CPQ: variants seen among roughly 807,000 people sequenced by gnomAD.
CPQ encodes the protein Ser-Met dipeptidase.
Under a neutral mutation model 45.7 loss-of-function variants are expected in CPQ, and 37 were observed. The observed-to-expected ratio is 0.81, with a 90% CI of 0.62 to 1.07. The LOEUF (loss-of-function observed/expected upper bound fraction) is 1.07, where lower values mean the gene tolerates loss of function less well. Among genes scored for constraint, CPQ ranks in the 50% least tolerant of loss-of-function variants. The pLI is 0.00. For missense variants in CPQ, 537 were observed against 572.9 expected (o/e 0.94, Z 0.64); for synonymous variants, 186 against 205.8 (o/e 0.90, Z 0.82).
At chr8:97,084,225 G>A (rs894897244) in intron 7 of CPQ, among the ~76,000 whole-genome samples, 6 of 152,130 alleles carry the variant, frequency 3.9e-5, no homozygotes, top group Admixed American at 6.6e-5. Context: ...GAATATCTTG[G>A]AAGTGAAGGA....
intron 4 of CPQ, among the ~76,000 whole-genome samples, chr8:96,951,536 A>G (rs1466756088): frequency 6.6e-6 from 1 of 152,062 alleles, no homozygotes; most frequent in Non-Finnish European, 1.5e-5. Context: ...AGTTTTTTAG[A>G]GAGGTTTTGT....
At position 97,143,276 on chromosome 8, in the gene CPQ, A is replaced by G; in HGVS notation, c.*93A>G. The stretch of plus-strand genomic sequence containing the variant: ...CCTCTTCACATAACAATTTCATCCA[A>G]TTCATCTTCAAAGCACAACTCTATT... On this transcript the variant is annotated 3_prime_UTR_variant, in exon 8 of 8. Transcript: ENST00000220763. 1 of 1,169,204 alleles carries G rather than the reference A, an allele frequency of 8.6e-7. No individual in the cohort carries two copies. The highest frequency in any genetic ancestry group is 1.5e-5 in the African/African-American group (1 of 65,162). 72.4% of individuals were successfully genotyped at this position (1,169,204 alleles called of 1,614,324 possible).
intron 5 of CPQ, among the ~76,000 whole-genome samples, chr8:96,994,604 T>C (rs903073705): frequency 9.2e-5 from 14 of 152,074 alleles, no homozygotes; most frequent in African/African-American, 3.1e-4. Flanking sequence ...TTCCAATCCC[T>C]ATAATACTAA....
At chr8:96,841,487 A>G (rs1160923484) in intron 3 of CPQ, among the ~76,000 whole-genome samples, 3 of 152,140 alleles carry the variant, frequency 2.0e-5, no homozygotes, top group Non-Finnish European at 2.9e-5. Flanking sequence ...CCACACATAC[A>G]TTTTTTCCTA....
chr8:97,123,203 A>G lies in CPQ; in HGVS notation c.1256-19817A>G, dbSNP rs1238859161. ...ATAAAATAAAATAAAATAAAATAAA[A>G]TAAAAAATAAAATAAAATAAAATAA... On this transcript the variant is annotated intron_variant, in intron 7 of 7. Transcript: ENST00000220763. 3.4e-4 allele frequency among the ~76,000 whole-genome samples: 44 copies of G among 128,020 alleles called. 1 individual carries two copies. Among genetic ancestry groups the G allele is most frequent in the African/African-American group, 1.2e-3 (41 of 34,604 alleles). 84.0% of individuals were successfully genotyped at this position (128,020 alleles called of 152,430 possible). A position where few individuals can be genotyped will look rare whatever the true frequency, so the allele number is the denominator to read the frequency against.
At chr8:96,685,835 T>G (rs1809220187) in intron 1 of CPQ, among the ~76,000 whole-genome samples, 1 of 152,144 alleles carries the variant, frequency 6.6e-6, no homozygotes. Context: ...ATCTTTAACA[T>G]TTAGAGTTTT....
At chr8:96,868,783 A>G (rs187122326) in intron 3 of CPQ, among the ~76,000 whole-genome samples, 4 of 152,060 alleles carry the variant, frequency 2.6e-5, no homozygotes, top group East Asian at 1.9e-4. Flanking sequence ...CATTTTCTAT[A>G]TATATAAAAA....
intron 7 of CPQ, among the ~76,000 whole-genome samples, chr8:97,124,111 A>C (rs535857708): frequency 3.3e-5 from 5 of 151,114 alleles, no homozygotes. Flanking sequence ...CTGTAATCCC[A>C]GCTGCTCTGG....
intron 7 of CPQ, among the ~76,000 whole-genome samples, chr8:97,066,460 G>C (rs1810638306): frequency 1.3e-5 from 2 of 152,084 alleles, no homozygotes; most frequent in African/African-American, 4.8e-5. Flanking sequence ...TTCTGATTTA[G>C]TCATTCTGGA....
intron 1 of CPQ, among the ~76,000 whole-genome samples, chr8:96,736,587 A>G (rs1460082319): frequency 6.6e-6 from 1 of 152,128 alleles, no homozygotes; most frequent in East Asian, 1.9e-4. Flanking sequence ...TGCCTAACCT[A>G]TGTAAATGGG....
chr8:96,707,167 A>C (rs990309718), intron 1 of CPQ, among the ~76,000 whole-genome samples: 1 of 152,170 alleles, frequency 6.6e-6, no homozygotes, highest in South Asian at 2.1e-4. Flanking sequence ...GTGCAGAGAC[A>C]ATGAAGAAAC....
intron 6 of CPQ, among the ~76,000 whole-genome samples, chr8:97,043,880 TG>T (rs1396784124): frequency 6.6e-6 from 1 of 152,250 alleles, no homozygotes; most frequent in African/African-American, 2.4e-5. Flanking sequence ...CTTCCCTTTG[TG>T]GGTAACCCGA....
chr8:97,043,996 C>G (rs949594522), intron 6 of CPQ, among the ~76,000 whole-genome samples: 1 of 152,030 alleles, frequency 6.6e-6, no homozygotes, highest in Non-Finnish European at 1.5e-5. Context: ...ATCTTTGTGG[C>G]GTTCTCTATA....
Position 96,702,466 on chromosome 8 carries a change from G to A in CPQ, c.-35+57064G>A, listed in dbSNP as rs554315147. Among the ~76,000 whole-genome samples the A allele has an allele frequency of 4.6e-5, 7 of 152,274 alleles. No individual in the cohort carries two copies. In the South Asian group the frequency reaches 1.0e-3, roughly 23 times the overall value. On this transcript the variant is annotated intron_variant, in intron 1 of 7. Transcript: ENST00000220763. The stretch of plus-strand genomic sequence containing the variant: ...GAATCCTCTTCTGTATCCATCACAT[G>A]TTTTTACTGAAAGTTTAAGATAATA...
intron 5 of CPQ, among the ~76,000 whole-genome samples, chr8:97,003,360 T>TATA (rs1809319254): frequency 6.6e-6 from 1 of 152,192 alleles, no homozygotes; most frequent in Non-Finnish European, 1.5e-5. Context: ...CACTGGTCTG[T>TATA]GTATTTCAGT....
chr8:96,803,762 T>A (rs1393343866), intron 2 of CPQ, among the ~76,000 whole-genome samples: 1 of 152,188 alleles, frequency 6.6e-6, no homozygotes, highest in African/African-American at 2.4e-5. Flanking sequence ...CAGTATCTCC[T>A]ACTAATACTG....
In CPQ at chr8:96,740,016, C is replaced by G. The variant is rs867598685; in HGVS notation, c.-34-44848C>G. ...CTGTGAAGAAAGTCATTGGTAGCTTCATGGGGATGGCATTGAATCTATAAA... is the reference window on the plus strand; with the variant it reads ...CTGTGAAGAAAGTCATTGGTAGCTTGATGGGGATGGCATTGAATCTATAAA... On this transcript the variant is annotated intron_variant, in intron 1 of 7. Transcript: ENST00000220763. Among the ~76,000 whole-genome samples, 753 of 151,940 alleles carry G rather than the reference C, an allele frequency of 5.0e-3. 9 individuals are homozygous for G. The highest frequency in any genetic ancestry group is 0.012 in the Admixed American group (183 of 15,250).
intron 4 of CPQ, among the ~76,000 whole-genome samples, chr8:96,945,456 C>G (rs1368149657): frequency 1.3e-5 from 2 of 152,130 alleles, no homozygotes; most frequent in Non-Finnish European, 2.9e-5. Flanking sequence ...TTGATCTTAG[C>G]TGATATCTTT....
intron 2 of CPQ, among the ~76,000 whole-genome samples, chr8:96,795,314 G>A (rs931016547): frequency 6.6e-6 from 1 of 152,166 alleles, no homozygotes; most frequent in South Asian, 2.1e-4. Flanking sequence ...CTTTTAAAAC[G>A]ATGAGATCTT....
Sources: allele counts gnomAD v4.1 joint callset (sites outside exome capture counted in the v4.1 genomes callset), GRCh38; gene constraint gnomAD v4.1.1; transcripts MANE v1.5; gene names NCBI Gene and HGNC (gene_info 2026-07-23, HGNC 2026-07-21).